The following WWOX variants were observed in gnomAD, a reference collection of about 807,000 sequenced individuals.
WWOX encodes WW domain-containing oxidoreductase.
A neutral mutation model predicts 46.2 loss-of-function variants in WWOX; 69 were observed. The observed-to-expected ratio is 1.49, with a 90% CI of 1.23 to 1.82. The LOEUF is 1.82. Among genes scored for constraint, WWOX ranks in the 40% most tolerant of loss-of-function variants. The pLI is 0.00. For synonymous variants in WWOX, 359 were observed against 202.6 expected (o/e 1.77, Z -6.56); for missense variants, 919 against 542.6 (o/e 1.69, Z -6.89).
At chr16:78,943,690 G>A (rs1597184857) in intron 8 of WWOX, among the ~76,000 whole-genome samples, 1 of 152,136 alleles carries the variant, frequency 6.6e-6, no homozygotes, top group African/African-American at 2.4e-5. Context: ...AAAGTAGCAG[G>A]GTGTGCGATT....
At chr16:79,197,301 T>TC (rs1404016069) in intron 8 of WWOX, among the ~76,000 whole-genome samples, 15 of 152,202 alleles carry the variant, frequency 9.9e-5, no homozygotes, top group Admixed American at 6.5e-5. Context: ...ACAGCTGTAT[T>TC]CCACAGGTCA....
intron 8 of WWOX, among the ~76,000 whole-genome samples, chr16:78,463,892 C>A (rs2084012206): frequency 6.6e-6 from 1 of 152,100 alleles, no homozygotes. Flanking sequence ...CTAGTATGGA[C>A]CTTTGGGGCT....
At chr16:78,355,238 G>A (rs1028851607) in intron 5 of WWOX, among the ~76,000 whole-genome samples, 12 of 15,930 alleles carry the variant, frequency 7.5e-4, no homozygotes, top group Non-Finnish European at 2.2e-3. Context: ...CATTGCTCCT[G>A]TGTGTGTGTG....
chr16:79,036,393 C>T (rs911421532), intron 8 of WWOX, among the ~76,000 whole-genome samples: 2 of 152,218 alleles, frequency 1.3e-5, no homozygotes, highest in Non-Finnish European at 2.9e-5. Flanking sequence ...AAGTCCCATT[C>T]TTGCCTCATA....
At chr16:78,616,183 T>C (rs2046020057) in intron 8 of WWOX, among the ~76,000 whole-genome samples, 1 of 152,082 alleles carries the variant, frequency 6.6e-6, no homozygotes, top group African/African-American at 2.4e-5. Flanking sequence ...TGTGTATGCA[T>C]TCCCACGGCC....
intron 8 of WWOX, among the ~76,000 whole-genome samples, chr16:78,887,781 C>A (rs1457385959): frequency 6.6e-6 from 1 of 152,196 alleles, no homozygotes; most frequent in Non-Finnish European, 1.5e-5. Context: ...GTTGAATTTT[C>A]TCCACATTTG....
At chr16:78,962,712 C>G (rs574411910) in intron 8 of WWOX, among the ~76,000 whole-genome samples, 2 of 152,106 alleles carry the variant, frequency 1.3e-5, no homozygotes, top group Admixed American at 6.5e-5. Context: ...TGAACTCATA[C>G]TTATTTATAC....
intron 5 of WWOX, among the ~76,000 whole-genome samples, chr16:78,313,387 A>G (rs1003152795): frequency 6.6e-6 from 1 of 151,964 alleles, no homozygotes; most frequent in Non-Finnish European, 1.5e-5. Context: ...TTTTTTTGAG[A>G]TGGAGTTTCA....
intron 8 of WWOX, among the ~76,000 whole-genome samples, chr16:78,844,791 C>G (rs143659864): frequency 6.6e-6 from 1 of 152,180 alleles, no homozygotes; most frequent in African/African-American, 2.4e-5. Flanking sequence ...TATGTATCCC[C>G]GGCCAGAGTT....
At chr16:78,741,709 G>A (rs147852174) in intron 8 of WWOX, among the ~76,000 whole-genome samples, 1 of 151,874 alleles carries the variant, frequency 6.6e-6, no homozygotes, top group African/African-American at 2.4e-5. Flanking sequence ...ACAGAAATCA[G>A]TGGGGCATGG....
chr16:78,738,381 T>A (rs1032213547), intron 8 of WWOX, among the ~76,000 whole-genome samples: 1 of 152,200 alleles, frequency 6.6e-6, no homozygotes, highest in Non-Finnish European at 1.5e-5. Flanking sequence ...TAATGTGCCA[T>A]TTGAAGATTC....
chr16:78,591,507 G>A (rs1478559286), intron 8 of WWOX, among the ~76,000 whole-genome samples: 1 of 152,078 alleles, frequency 6.6e-6, no homozygotes, highest in Non-Finnish European at 1.5e-5. Flanking sequence ...TCACTTTATA[G>A]TCCTCATTAA....
chr16:78,578,276 A>ATT lies in WWOX; in HGVS notation c.1056+145525_1056+145526insTT, dbSNP rs2044948523. On this transcript the variant is annotated intron_variant, in intron 8 of 8. Transcript: ENST00000566780. ...ATTTTATATATATATATATATATAT[A>ATT]TATATATATTTTTTTTTTTTTTTTT... Among the ~76,000 whole-genome samples, 63 of 32,910 alleles carry ATT rather than the reference A, an allele frequency of 1.9e-3. 1 individual carries two copies. The highest frequency in any genetic ancestry group is 6.5e-3 in the East Asian group (9 of 1,390). 21.6% of individuals were successfully genotyped at this position (32,910 alleles called of 152,430 possible).
At chr16:78,598,262 A>G (rs1221242397) in intron 8 of WWOX, among the ~76,000 whole-genome samples, 2 of 152,188 alleles carry the variant, frequency 1.3e-5, no homozygotes, top group East Asian at 3.9e-4. Flanking sequence ...GAACCAGTTA[A>G]AACCACATTG....
Position 78,996,310 on chromosome 16 carries a change from T to G in WWOX, c.1057-215298T>G, listed in dbSNP as rs907466252. 4.4e-5 allele frequency: 43 copies of G among 984,652 alleles called. No individual in the cohort carries two copies. The Admixed American group carries it at 2.3e-3, about 52-fold the overall frequency. The allele number at this position is 984,652 out of a possible 1,614,324, so 61.0% of individuals were successfully genotyped here. Reference sequence around the variant, plus strand: ...TGGAAGATGGATCTTGCCTTGTGGATGTTTTTCTACCGTGACAGAAGATAG... The same window carrying G: ...TGGAAGATGGATCTTGCCTTGTGGAGGTTTTTCTACCGTGACAGAAGATAG... On this transcript the variant is annotated intron_variant, in intron 8 of 8. Coordinates refer to ENST00000566780, the MANE Select transcript of WWOX (RefSeq NM_016373.4).
chr16:78,158,288 A>G (rs2034671091), intron 4 of WWOX, among the ~76,000 whole-genome samples: 1 of 152,180 alleles, frequency 6.6e-6, no homozygotes, highest in Non-Finnish European at 1.5e-5. Flanking sequence ...ATTTATGGCC[A>G]TTTGACATGG....
intron 8 of WWOX, among the ~76,000 whole-genome samples, chr16:79,007,499 G>C (rs972257265): frequency 3.9e-5 from 6 of 152,224 alleles, no homozygotes; most frequent in African/African-American, 9.6e-5. Context: ...CCGGGAGAAA[G>C]ATGATGAAGG....
intron 8 of WWOX, among the ~76,000 whole-genome samples, chr16:79,161,247 A>C (rs1170931900): frequency 6.6e-6 from 1 of 152,046 alleles, no homozygotes; most frequent in Non-Finnish European, 1.5e-5. Flanking sequence ...GGTGGTTTCA[A>C]ATCCTCCCTC....
chr16:78,827,844 A>C (rs1021863783), intron 8 of WWOX, among the ~76,000 whole-genome samples: 7 of 151,822 alleles, frequency 4.6e-5, no homozygotes, highest in African/African-American at 1.4e-4. Flanking sequence ...CATTTCAGAG[A>C]AAAACAACAA....
Sources: gnomAD v4.1 joint callset for allele counts (sites outside exome capture counted in the v4.1 genomes callset) on GRCh38, gnomAD v4.1.1 for gene constraint, MANE v1.5 for transcripts, NCBI Gene and HGNC (gene_info 2026-07-23, HGNC 2026-07-21) for gene names.